The following SMPD3 variants were observed in gnomAD, a reference collection of about 807,000 sequenced individuals.
SMPD3 encodes the protein sphingomyelin phosphodiesterase 3.
Under a neutral mutation model 55.7 loss-of-function variants are expected in SMPD3, and 21 were observed. The ratio of observed to expected loss-of-function variants is 0.38; its 90% CI spans 0.27 to 0.54. The LOEUF (loss-of-function observed/expected upper bound fraction) is 0.54, where lower values mean the gene tolerates loss of function less well. Among genes scored for constraint, SMPD3 ranks in the 20% least tolerant of loss-of-function variants. The pLI is 0.80. For missense variants in SMPD3, 842 were observed against 899.6 expected, an observed-to-expected ratio of 0.94 and a Z score of 0.82; for synonymous variants, 457 against 404.3, an observed-to-expected ratio of 1.13 and a Z score of -1.56.
Position 68,361,657 on chromosome 16 carries a change from C to T in SMPD3, c.1812G>A (p.Arg604=), listed in dbSNP as rs1164145702. ...CTGCATGCAGCATGTAGTCGATGCG[C>T]CGGCCGTTGCCCTTCAGCAGCTCCT... ...GRKELLKGNG[R]RIDYMLHAEE... Residue 604 remains arginine (R), a synonymous_variant, in exon 8 of 9, where the codon CGG becomes CGA. Transcript: ENST00000219334. The T allele has an allele frequency of 6.2e-7, 1 of 1,612,200 alleles. No individual in the cohort carries two copies. Among genetic ancestry groups the T allele is most frequent in the Non-Finnish European group, 8.5e-7 (1 of 1,179,968 alleles).
At chr16:68,378,375 T>C (rs1244268654) in intron 2 of SMPD3, among the ~76,000 whole-genome samples, 3 of 152,162 alleles carry the variant, frequency 2.0e-5, no homozygotes, top group African/African-American at 7.2e-5. Context: ...TTCTGAGTGA[T>C]GCAGGTTGGA....
Position 68,374,055 on chromosome 16 carries a change from T to C in SMPD3, c.-206-1668A>G, listed in dbSNP as rs1189652224. 2.0e-5 allele frequency among the ~76,000 whole-genome samples: 3 copies of C among 152,366 alleles called. No homozygotes were observed. In the East Asian group the frequency reaches 5.8e-4, roughly 29 times the overall value. On this transcript the variant is annotated intron_variant, in intron 2 of 8. Coordinates refer to ENST00000219334, the MANE Select transcript of SMPD3 (RefSeq NM_018667.4). ...GGTCTCTGCAGTTCTGTATCACAAA[T>C]GCTCTGGGATATGGCCACCTGCCCA...
At chr16:68,411,153 G>C (rs574630003) in intron 1 of SMPD3, among the ~76,000 whole-genome samples, 1 of 152,240 alleles carries the variant, frequency 6.6e-6, no homozygotes, top group Non-Finnish European at 1.5e-5. Context: ...AAAGCAGGCC[G>C]GGGTCAGGAG....
chr16:68,390,673 A>G (rs1045277806), intron 1 of SMPD3, among the ~76,000 whole-genome samples: 7 of 152,168 alleles, frequency 4.6e-5, no homozygotes, highest in African/African-American at 1.7e-4. Flanking sequence ...ATAAACAAAC[A>G]AAGAATAAGA....
chr16:68,438,654 C>T (rs1466405972), intron 1 of SMPD3, among the ~76,000 whole-genome samples: 8 of 152,160 alleles, frequency 5.3e-5, no homozygotes, highest in Admixed American at 5.2e-4. Flanking sequence ...CATTGTCATT[C>T]CTACCCCTGT....
intron 1 of SMPD3, among the ~76,000 whole-genome samples, chr16:68,406,472 G>A (rs1275956510): frequency 2.0e-5 from 3 of 152,208 alleles, no homozygotes; most frequent in African/African-American, 7.2e-5. Flanking sequence ...AGTGGTGGAT[G>A]AGCAGAAGTG....
chr16:68,415,012 G>A (rs1427255105), intron 1 of SMPD3, among the ~76,000 whole-genome samples: 6 of 152,138 alleles, frequency 3.9e-5, no homozygotes, highest in Non-Finnish European at 1.5e-5. Flanking sequence ...GGGTGCTGTG[G>A]GTTTGGGCAT....
intron 1 of SMPD3, among the ~76,000 whole-genome samples, chr16:68,429,296 C>T (rs1056356983): frequency 6.6e-6 from 1 of 152,216 alleles, no homozygotes; most frequent in African/African-American, 2.4e-5. Flanking sequence ...GCTGCCAGAG[C>T]CAGGCACCAG....
intron 3 of SMPD3, among the ~76,000 whole-genome samples, chr16:68,365,893 C>T (rs2089464709): frequency 6.6e-6 from 1 of 152,186 alleles, no homozygotes; most frequent in Non-Finnish European, 1.5e-5. Flanking sequence ...AACTGCCCTA[C>T]CCCAGGTGGG....
chr16:68,364,847 G>A lies in SMPD3; in HGVS notation c.1459C>T (p.Arg487Ter). Residue 487 changes from arginine (R) to a stop codon, truncating the protein, a stop_gained, in exon 5 of 9, where the codon CGA becomes TGA. Coordinates refer to ENST00000219334, the MANE Select transcript of SMPD3 (RefSeq NM_018667.4). LOFTEE classifies it high-confidence loss of function. Reference sequence around the variant, plus strand: ...GCGCTGGACGAGGAGGTAGATTTTCGGAAATCAGCCAGCCAGTCCTGAAGC... The same window carrying A: ...GCGCTGGACGAGGAGGTAGATTTTCAGAAATCAGCCAGCCAGTCCTGAAGC... ...DLLQDWLADF[R>*]KSTSSSSAAN... 2 of 1,613,834 alleles carry A rather than the reference G, an allele frequency of 1.2e-6. No homozygotes were observed. The highest frequency in any genetic ancestry group is 1.1e-5 in the South Asian group (1 of 91,082).
chr16:68,411,241 G>A (rs935844312), intron 1 of SMPD3, among the ~76,000 whole-genome samples: 4 of 152,246 alleles, frequency 2.6e-5, no homozygotes, highest in African/African-American at 9.6e-5. Context: ...GACCACCTCA[G>A]TCCAGTGATC....
chr16:68,427,475 T>C (rs753017878), intron 1 of SMPD3, among the ~76,000 whole-genome samples: 41 of 152,336 alleles, frequency 2.7e-4, no homozygotes, highest in Non-Finnish European at 4.7e-4. Context: ...CTTTCTGCAG[T>C]GATGGAAATG....
At chr16:68,421,566 A>T (rs1597660312) in intron 1 of SMPD3, among the ~76,000 whole-genome samples, 1 of 152,216 alleles carries the variant, frequency 6.6e-6, no homozygotes, top group South Asian at 2.1e-4. Flanking sequence ...CCCCCAGTAC[A>T]CCTGAAGAAG....
At position 68,412,444 on chromosome 16, in the gene SMPD3, C is replaced by T. The variant is rs116464142; in HGVS notation, c.-268-25785G>A. Among the ~76,000 whole-genome samples, 982 of 152,288 alleles carry T rather than the reference C, an allele frequency of 6.4e-3. 7 individuals are homozygous for T. Among genetic ancestry groups the T allele is most frequent in the African/African-American group, 0.022 (912 of 41,546 alleles). On this transcript the variant is annotated intron_variant, in intron 1 of 8. Coordinates refer to ENST00000219334, the MANE Select transcript of SMPD3 (RefSeq NM_018667.4). ...AACAGATTTCCAGCCACACCTATCT[C>T]CCAAAACATAGCTGGTGAATCCAGG...
At chr16:68,363,900 G>A (rs1197847164) in intron 5 of SMPD3, 34 bp from the exon 6 acceptor site, 1 of 1,533,182 alleles carries the variant, frequency 6.5e-7, no homozygotes, top group Admixed American at 2.0e-5. Context: ...TGAGGCACCA[G>A]GGGGCTTTGC....
chr16:68,413,494 G>C (rs2090317500), intron 1 of SMPD3, among the ~76,000 whole-genome samples: 1 of 152,162 alleles, frequency 6.6e-6, no homozygotes, highest in African/African-American at 2.4e-5. Context: ...GAGAGGCTCT[G>C]TTTTTTCATT....
At chr16:68,424,696 T>C (rs2090422386) in intron 1 of SMPD3, among the ~76,000 whole-genome samples, 1 of 152,220 alleles carries the variant, frequency 6.6e-6, no homozygotes, top group Non-Finnish European at 1.5e-5. Context: ...CATGACTCTA[T>C]TATAAACCAG....
chr16:68,399,439 G>T (rs989314887), intron 1 of SMPD3, among the ~76,000 whole-genome samples: 22 of 152,312 alleles, frequency 1.4e-4, no homozygotes, highest in Admixed American at 5.2e-4. Context: ...ACAGGCCTTG[G>T]ATGTAAAGAG....
At chr16:68,443,495 C>T (rs1452706787) in intron 1 of SMPD3, among the ~76,000 whole-genome samples, 1 of 152,184 alleles carries the variant, frequency 6.6e-6, no homozygotes, top group Non-Finnish European at 1.5e-5. Context: ...ACAGCTTCCT[C>T]ATGTTTTTTT....
Sources: gnomAD v4.1 joint callset for allele counts (sites outside exome capture counted in the v4.1 genomes callset) on GRCh38, gnomAD v4.1.1 for gene constraint, MANE v1.5 for transcripts, NCBI Gene and HGNC (gene_info 2026-07-23, HGNC 2026-07-21) for gene names.